TMEM131L: variants seen among roughly 807,000 people sequenced by gnomAD.
TMEM131L encodes the protein transmembrane 131 like.
In TMEM131L, 54 loss-of-function variants were observed where a neutral mutation model predicts 192.2. The ratio of observed to expected loss-of-function variants is 0.28; its 90% confidence interval spans 0.23 to 0.35. TMEM131L has a LOEUF of 0.35. Among genes scored for constraint, TMEM131L ranks in the 10% least tolerant of loss-of-function variants. TMEM131L has a pLI of 1.00. For synonymous variants in TMEM131L, 701 were observed against 704.9 expected (o/e 0.99, Z 0.09); for missense variants, 1,888 against 1,972.9 (o/e 0.96, Z 0.82).
intron 3 of TMEM131L, among the ~76,000 whole-genome samples, chr4:153,500,023 C>G (rs1733479098): frequency 6.6e-6 from 1 of 150,858 alleles, no homozygotes; most frequent in African/African-American, 2.5e-5. Flanking sequence ...TTAACTTGGT[C>G]AGAACCAACC....
intron 3 of TMEM131L, among the ~76,000 whole-genome samples, chr4:153,533,246 A>C (rs903580777): frequency 6.6e-6 from 1 of 152,072 alleles, no homozygotes. Flanking sequence ...TGGCCTCCCA[A>C]AGTGCTGGGA....
At chr4:153,588,343 T>G (rs1329224565) in intron 15 of TMEM131L, among the ~76,000 whole-genome samples, 29 of 150,204 alleles carry the variant, frequency 1.9e-4, no homozygotes, top group Non-Finnish European at 4.1e-4. Flanking sequence ...TATAGTTTTT[T>G]TTTTTTTTTT....
chr4:153,469,953 C>CA (rs562840208), intron 2 of TMEM131L, among the ~76,000 whole-genome samples: 5 of 141,668 alleles, frequency 3.5e-5, no homozygotes, highest in African/African-American at 1.0e-4. Context: ...AACAAACAAA[C>CA]AAAAAAACCA....
At position 153,525,572 on chromosome 4, in the gene TMEM131L, T is replaced by G. The variant is rs137956656; in HGVS notation, c.240-24501T>G. On this transcript the variant is annotated intron_variant, in intron 3 of 34. Coordinates refer to ENST00000409959, the MANE Select transcript of TMEM131L (RefSeq NM_001131007.2). The stretch of plus-strand genomic sequence containing the variant: ...CCAGGCTGGTCTCGAGCTCCTGACC[T>G]CAAGTGATCAGCCTGCCTGGGCCTC... Among the ~76,000 whole-genome samples the G allele has an allele frequency of 8.0e-3, 1,219 of 152,320 alleles. 18 individuals carry two copies. Among genetic ancestry groups the G allele is most frequent in the African/African-American group, 0.028 (1,147 of 41,578 alleles).
intron 21 of TMEM131L, among the ~76,000 whole-genome samples, chr4:153,600,160 T>C (rs927267605): frequency 6.6e-6 from 1 of 152,140 alleles, no homozygotes; most frequent in African/African-American, 2.4e-5. Flanking sequence ...AGCTCAGGAA[T>C]TTGAGACCAG....
At chr4:153,556,353 G>A (rs1312395122) in intron 5 of TMEM131L, among the ~76,000 whole-genome samples, 4 of 152,188 alleles carry the variant, frequency 2.6e-5, no homozygotes, top group Non-Finnish European at 4.4e-5. Flanking sequence ...AAGGTATAGT[G>A]AATGGCTCCT....
intron 26 of TMEM131L, among the ~76,000 whole-genome samples, chr4:153,618,631 C>G (rs1370679338): frequency 2.0e-5 from 3 of 152,154 alleles, no homozygotes; most frequent in Admixed American, 1.3e-4. Flanking sequence ...GGCAGAGAGG[C>G]TAAGTAACTT....
At chr4:153,502,838 C>G (rs953205389) in intron 3 of TMEM131L, among the ~76,000 whole-genome samples, 1 of 152,162 alleles carries the variant, frequency 6.6e-6, no homozygotes, top group Admixed American at 6.5e-5. Context: ...GATTGTCACT[C>G]CTGAGAAATC....
intron 3 of TMEM131L, among the ~76,000 whole-genome samples, chr4:153,548,597 C>T (rs1169078983): frequency 6.6e-6 from 1 of 152,178 alleles, no homozygotes; most frequent in Non-Finnish European, 1.5e-5. Context: ...GCCACTGCGT[C>T]CGGCGGCATC....
chr4:153,624,791 A>G (rs1456230035), intron 29 of TMEM131L, among the ~76,000 whole-genome samples: 2 of 152,304 alleles, frequency 1.3e-5, no homozygotes, highest in Middle Eastern at 3.4e-3. Flanking sequence ...TACATGATGA[A>G]CACAAGCCAT....
intron 7 of TMEM131L, among the ~76,000 whole-genome samples, chr4:153,560,874 A>G (rs752173702): frequency 1.3e-5 from 2 of 152,158 alleles, no homozygotes; most frequent in Non-Finnish European, 2.9e-5. Flanking sequence ...CATATCTTTC[A>G]TATCTTTTCT....
rs758296636 is a variant in TMEM131L, at chr4:153,635,414, T to C, written c.4418-18T>C. ...ATGAAAATGTTTACCTATGATGATA[T>C]TCTCCCATTCTTTGTAGAAAACATG... On this transcript the variant is annotated intron_variant, in intron 33 of 34. Transcript: ENST00000409959. 4 of 1,611,736 alleles carry C rather than the reference T, an allele frequency of 2.5e-6. No homozygotes were observed. The South Asian group carries it at 4.4e-5, about 18-fold the overall frequency.
Position 153,635,553 on chromosome 4 carries a change from C to T in TMEM131L, c.4539C>T (p.Ala1513=). The T allele has an allele frequency of 1.9e-6, 3 of 1,614,164 alleles. No individual in the cohort carries two copies. Among genetic ancestry groups the T allele is most frequent in the Non-Finnish European group, 2.5e-6 (3 of 1,180,022 alleles). ...PPNMPAAWGH[A]SFISSPPYLT... ...ACATGCCTGCTGCCTGGGGACATGC[C>T]AGTTTCATCAGCTCTCCGGTCAGTG... The change falls in exon 34 of 35, where the codon GCC becomes GCT. Residue 1513 remains alanine (A), a synonymous_variant. Transcript: ENST00000409959.
intron 2 of TMEM131L, among the ~76,000 whole-genome samples, chr4:153,473,077 G>A (rs982719251): frequency 2.0e-5 from 3 of 152,184 alleles, no homozygotes; most frequent in South Asian, 2.1e-4. Flanking sequence ...GGTGCTTGCC[G>A]CAATGTGGTT....
chr4:153,604,540 A>G (rs563909407), intron 25 of TMEM131L, 110 bp downstream of exon 25: 7 of 1,114,956 alleles, frequency 6.3e-6, no homozygotes, highest in Non-Finnish European at 6.4e-6. Context: ...GCTGAGTTTT[A>G]GCAAAGGTTT....
At chr4:153,498,355 A>T (rs1410902463) in intron 3 of TMEM131L, among the ~76,000 whole-genome samples, 4 of 152,216 alleles carry the variant, frequency 2.6e-5, no homozygotes, top group African/African-American at 9.6e-5. Flanking sequence ...AGCAGAGCCA[A>T]GGAGGGCTGA....
intron 3 of TMEM131L, among the ~76,000 whole-genome samples, chr4:153,544,090 GGTTTTT>G (rs1375139455): frequency 6.6e-6 from 1 of 152,200 alleles, no homozygotes; most frequent in Non-Finnish European, 1.5e-5. Context: ...GTGGCCACAA[GGTTTTT>G]GTTTTTGAAA....
intron 3 of TMEM131L, among the ~76,000 whole-genome samples, chr4:153,521,012 C>T (rs1735073699): frequency 1.3e-5 from 2 of 152,162 alleles, no homozygotes; most frequent in South Asian, 2.1e-4. Flanking sequence ...CCCTGGGAAG[C>T]CAGTTCTTTG....
chr4:153,539,458 A>G (rs1459186923), intron 3 of TMEM131L, among the ~76,000 whole-genome samples: 1 of 146,924 alleles, frequency 6.8e-6, no homozygotes, highest in Non-Finnish European at 1.5e-5. Flanking sequence ...TTTCTGCTGC[A>G]TTCCGTTTTA....
Sources: allele counts gnomAD v4.1 joint callset (sites outside exome capture counted in the v4.1 genomes callset), GRCh38; gene constraint gnomAD v4.1.1; transcripts MANE v1.5; gene names NCBI Gene and HGNC (gene_info 2026-07-23, HGNC 2026-07-21).